Variants in MUC17 observed in about 807,000 individuals in gnomAD.
The protein encoded by MUC17 is mucin-17.
Under a neutral mutation model 170.3 loss-of-function variants are expected in MUC17, and 190 were observed. That is an observed-to-expected ratio of 1.12 (90% CI 0.99 to 1.26). The LOEUF (loss-of-function observed/expected upper bound fraction) is 1.26. Among genes scored for constraint, MUC17 ranks in the 50% most tolerant of loss-of-function variants. The pLI is 0.00. For missense variants in MUC17, 6,415 were observed against 5,530.0 expected (o/e 1.16, Z -5.08); for synonymous variants, 2,325 against 2,002.5 (o/e 1.16, Z -4.30).
At chr7:101,051,750 G>A in intron 8 of MUC17, 53 bp from the exon 9 acceptor site, 1 of 1,605,736 alleles carries the variant, frequency 6.2e-7, no homozygotes, top group Non-Finnish European at 8.5e-7. Context: ...GTGGGACAGT[G>A]TCCCCCCAGC....
At position 101,033,493 on chromosome 7, in the gene MUC17, A is replaced by G. The variant is rs374584694; in HGVS notation, c.2077A>G (p.Met693Val). The G allele has an allele frequency of 1.3e-4, 215 of 1,613,728 alleles. No homozygotes were observed. The highest frequency in any genetic ancestry group is 1.7e-4 in the Non-Finnish European group (199 of 1,179,928). The change falls in exon 3 of 13, where the codon ATG becomes GTG. Residue 693 changes from methionine (M) to valine (V), a missense_variant. Transcript: ENST00000306151. The part of the protein sequence containing the change: ...YTEGSTPLTS[M>V]PVNTTLVASS... ...TGAAGGAAGCACTCCATTAACAAGT[A>G]TGCCTGTCAACACCACACTGGTGGC...
intron 1 of MUC17, among the ~76,000 whole-genome samples, chr7:101,026,088 C>A (rs368757140): frequency 3.3e-4 from 51 of 152,338 alleles, no homozygotes; most frequent in African/African-American, 1.2e-3. Context: ...CCCTTCTCTC[C>A]CCTTGTCTCC....
At chr7:101,052,132 A>G (rs577772374) in intron 9 of MUC17, among the ~76,000 whole-genome samples, 170 bp downstream of exon 9, 49 of 152,330 alleles carry the variant, frequency 3.2e-4, no homozygotes, top group Middle Eastern at 3.4e-3. Context: ...AGGGAAAAAC[A>G]TGAGTAGTTG....
In MUC17 at chr7:101,032,586, A is replaced by G. The variant is rs963069249; in HGVS notation, c.1170A>G (p.Glu390=). The G allele has an allele frequency of 9.9e-6, 16 of 1,613,962 alleles. No homozygotes were observed. In the African/African-American group the frequency reaches 2.0e-4, roughly 20 times the overall value. Residue 390 remains glutamate, a synonymous_variant, in exon 3 of 13, where the codon GAA becomes GAG. Coordinates refer to ENST00000306151, the MANE Select transcript of MUC17 (RefSeq NM_001040105.2). The part of the protein sequence containing the change: ...ATSMLTSTLS[E]GSTPLTNMPV... Reference sequence around the variant, plus strand: ...GCATGCTAACCTCAACTCTTAGTGAAGGAAGCACTCCATTAACAAATATGC... The same window carrying G: ...GCATGCTAACCTCAACTCTTAGTGAGGGAAGCACTCCATTAACAAATATGC...
At chr7:101,024,641 A>G (rs933649177) in intron 1 of MUC17, among the ~76,000 whole-genome samples, 2 of 151,834 alleles carry the variant, frequency 1.3e-5, no homozygotes, top group African/African-American at 4.8e-5. Flanking sequence ...AACATGAACA[A>G]TCTATTTCTC....
At position 101,036,183 on chromosome 7, in the gene MUC17, G is replaced by A; in HGVS notation, c.4767G>A (p.Glu1589=). ...GCACCATGCTGGTGGTCAGTTCTGAGGCTAACACCCTTTCAACAACCCCTA... is the reference window on the plus strand; with the variant it reads ...GCACCATGCTGGTGGTCAGTTCTGAAGCTAACACCCTTTCAACAACCCCTA... The part of the protein sequence containing the change: ...PVSTMLVVSS[E]ANTLSTTPID... The change falls in exon 3 of 13, where the codon GAG becomes GAA. Residue 1589 remains glutamate, a synonymous_variant. Coordinates refer to ENST00000306151, the MANE Select transcript of MUC17 (RefSeq NM_001040105.2). 6.2e-7 allele frequency: 1 copy of A among 1,613,664 alleles called. No homozygotes were observed. The highest frequency in any genetic ancestry group is 8.5e-7 in the Non-Finnish European group (1 of 1,179,942).
chr7:101,039,556 A>T lies in MUC17; in HGVS notation c.8140A>T (p.Thr2714Ser). The part of the protein sequence containing the change: ...LANSEASTLS[T>S]TPVDTSTPVT... ...CAATTCTGAGGCTAGCACCCTTTCA[A>T]CAACTCCTGTTGACACCAGCACACC... The change falls in exon 3 of 13, where the codon ACA (threonine) becomes TCA (serine). Residue 2714 changes from threonine to serine, a missense_variant. By Grantham distance (58) the Thr-to-Ser change is moderately conservative. Coordinates refer to ENST00000306151, the MANE Select transcript of MUC17 (RefSeq NM_001040105.2). 6.2e-7 allele frequency: 1 copy of T among 1,612,410 alleles called. No homozygotes were observed.
Position 101,032,725 on chromosome 7 carries a change from G to A in MUC17, c.1309G>A (p.Ala437Thr). Residue 437 changes from alanine to threonine, a missense_variant, in exon 3 of 13, where the codon GCT (alanine) becomes ACT (threonine). Coordinates refer to ENST00000306151, the MANE Select transcript of MUC17 (RefSeq NM_001040105.2). ...ASEASSSPTT[A>T]EDTSIATSTP... is the part of the protein sequence containing the mutation. ...TGAAGCCAGCTCATCTCCCACAACT[G>A]CTGAAGATACCAGCATTGCAACCTC... The A allele has an allele frequency of 1.3e-6, 2 of 1,577,192 alleles. No homozygotes were observed. The highest frequency in any genetic ancestry group is 1.7e-6 in the Non-Finnish European group (2 of 1,154,934).
At chr7:101,044,201 A>T (rs1794794814) in intron 3 of MUC17, among the ~76,000 whole-genome samples, 1 of 152,150 alleles carries the variant, frequency 6.6e-6, no homozygotes, top group Admixed American at 6.5e-5. Flanking sequence ...ATAGTATTCC[A>T]TGGAGTGAAC....
At position 101,048,057 on chromosome 7, in the gene MUC17, G is replaced by A. The variant is rs762107138; in HGVS notation, c.12477G>A (p.Gln4159=). 2.5e-6 allele frequency: 4 copies of A among 1,607,402 alleles called. 1 individual carries two copies. The South Asian group carries it at 3.3e-5, about 13-fold the overall frequency. ...NGGTWDGLKC[Q]CPNLYYGELC... is the part of the protein sequence containing the mutation. ...GCACCTGGGATGGGCTCAAGTGCCA[G>A]TGTCCCAACCTCTATTATGGGGAGT... The change falls in exon 4 of 13, where the codon CAG becomes CAA. Residue 4159 remains glutamine (Q), a synonymous_variant. Transcript: ENST00000306151.
In MUC17 at chr7:101,043,743, C is replaced by A; in HGVS notation, c.12327C>A (p.Thr4109=). Residue 4109 remains threonine, a synonymous_variant, in exon 3 of 13, where the codon ACC becomes ACA. Transcript: ENST00000306151. ...STRTTSFPTV[T]TTAVPTNTTI... Reference sequence around the variant, plus strand: ...GGACCACTTCCTTCCCCACGGTGACCACCACCGCTGTCCCCACGAATACTA... The same window carrying A: ...GGACCACTTCCTTCCCCACGGTGACAACCACCGCTGTCCCCACGAATACTA... 1 of 1,614,158 alleles carries A rather than the reference C, an allele frequency of 6.2e-7. No individual in the cohort carries two copies. The highest frequency in any genetic ancestry group is 8.5e-7 in the Non-Finnish European group (1 of 1,180,024).
intron 1 of MUC17, among the ~76,000 whole-genome samples, chr7:101,028,087 T>A (rs1383158950): frequency 3.3e-5 from 5 of 150,522 alleles, no homozygotes; most frequent in East Asian, 3.9e-4. Context: ...AATTTTTTTT[T>A]AATTCTTTTT....
At chr7:101,044,358 A>G (rs1044224805) in intron 3 of MUC17, among the ~76,000 whole-genome samples, 4 of 152,222 alleles carry the variant, frequency 2.6e-5, no homozygotes, top group Admixed American at 2.0e-4. Flanking sequence ...AAGAACAGAC[A>G]CTTTTCAAAA....
Position 101,032,626 on chromosome 7 carries a change from T to G in MUC17, c.1210T>G (p.Leu404Val), listed in dbSNP as rs1369478595. Residue 404 changes from leucine (L) to valine (V), a missense_variant, in exon 3 of 13, where the codon TTG (leucine) becomes GTG (valine). By Grantham distance (32) the Leu-to-Val change is conservative (BLOSUM62 1). Coordinates refer to ENST00000306151, the MANE Select transcript of MUC17 (RefSeq NM_001040105.2). ...PLTNMPVSTI[L>V]VASSEASTTS... ...AACAAATATGCCTGTCAGCACCATA[T>G]TGGTGGCCAGTTCTGAGGCTAGCAC... 3.1e-6 allele frequency: 5 copies of G among 1,594,656 alleles called. No individual in the cohort carries two copies. The highest frequency in any genetic ancestry group is 1.4e-5 in the African/African-American group (1 of 70,826).
Position 101,033,841 on chromosome 7 carries a change from A to T in MUC17, c.2425A>T (p.Thr809Ser). The T allele has an allele frequency of 6.2e-7, 1 of 1,613,690 alleles. No homozygotes were observed. The highest frequency in any genetic ancestry group is 8.5e-7 in the Non-Finnish European group (1 of 1,179,912). Residue 809 changes from threonine to serine, a missense_variant, in exon 3 of 13, where the codon ACA (threonine) becomes TCA (serine). Transcript: ENST00000306151. ...STPSEGSPLL[T>S]SIPVSITPVT... ...TCCTAGTGAAGGAAGTCCTTTATTA[A>T]CAAGTATACCTGTCAGCATCACACC...
Position 101,051,969 on chromosome 7 carries a change from G to A in MUC17, c.13103+7G>A. On this transcript the variant is annotated splice_region_variant and intron_variant, in intron 9 of 12. Coordinates refer to ENST00000306151, the MANE Select transcript of MUC17 (RefSeq NM_001040105.2). ...TAAGTGGACCTCAGTGCCTGTGAGT[G>A]CTCCCCCATCTCCTCCAGCCCAGCC... The A allele has an allele frequency of 6.2e-7, 1 of 1,609,044 alleles. No homozygotes were observed.
At position 101,033,687 on chromosome 7, in the gene MUC17, G is replaced by A. The variant is rs138994021; in HGVS notation, c.2271G>A (p.Thr757=). ...TPLTSMPVSK[T]LLTSSEASTL... ...TAACAAGTATGCCTGTCAGCAAAAC[G>A]CTGTTGACCAGTTCTGAGGCTAGCA... is the stretch of plus-strand genomic sequence containing the variant. Residue 757 remains threonine, a synonymous_variant, in exon 3 of 13, where the codon ACG becomes ACA. Coordinates refer to ENST00000306151, the MANE Select transcript of MUC17 (RefSeq NM_001040105.2). 0.013 allele frequency: 20,382 copies of A among 1,606,914 alleles called. 235 individuals carry two copies. Among genetic ancestry groups the A allele is most frequent in the Non-Finnish European group, 0.013 (14,924 of 1,177,302 alleles).
Position 101,051,977 on chromosome 7 carries a change from A to C in MUC17, c.13103+15A>C. The C allele has an allele frequency of 6.2e-7, 1 of 1,606,132 alleles. No individual in the cohort carries two copies. Among genetic ancestry groups the C allele is most frequent in the Non-Finnish European group, 8.5e-7 (1 of 1,174,506 alleles). ...CCTCAGTGCCTGTGAGTGCTCCCCC[A>C]TCTCCTCCAGCCCAGCCCAGACGTC... On this transcript the variant is annotated intron_variant, in intron 9 of 12. Transcript: ENST00000306151.
At chr7:101,024,065 C>T (rs1794139875) in intron 1 of MUC17, among the ~76,000 whole-genome samples, 1 of 152,086 alleles carries the variant, frequency 6.6e-6, no homozygotes, top group Non-Finnish European at 1.5e-5. Flanking sequence ...GGCCTTTGCC[C>T]ACTTTTTGAT....
Sources: allele counts gnomAD v4.1 joint callset (sites outside exome capture counted in the v4.1 genomes callset), GRCh38; gene constraint gnomAD v4.1.1; transcripts MANE v1.5; gene names NCBI Gene and HGNC (gene_info 2026-07-23, HGNC 2026-07-21).